DNAAF11: variants seen among roughly 807,000 people sequenced by gnomAD.
The protein encoded by DNAAF11 is dynein axonemal assembly factor 11, also known as leucine rich repeat containing 6.
In DNAAF11, 45 loss-of-function variants were observed where a neutral mutation model predicts 60.8. That is an observed-to-expected ratio of 0.74 (90% CI 0.58 to 0.95). The LOEUF is 0.95. Among genes scored for constraint, DNAAF11 ranks in the 40% least tolerant of loss-of-function variants. The pLI is 0.00. For synonymous variants in DNAAF11, 191 were observed against 183.5 expected, an observed-to-expected ratio of 1.04 and a Z score of -0.33; for missense variants, 546 against 546.2, an observed-to-expected ratio of 1.00 and a Z score of 0.00.
At position 132,660,551 on chromosome 8, in the gene DNAAF11, A is replaced by G. The variant is rs889437516; in HGVS notation, c.178+909T>C. 2.6e-5 allele frequency among the ~76,000 whole-genome samples: 4 copies of G among 152,196 alleles called. No homozygotes were observed. In the East Asian group the frequency reaches 5.8e-4, roughly 22 times the overall value. ...TGCTGGGGATTCTCCTTCTGTGTCC[A>G]TGTGGCAGGACCTCCATTAGAGTAA... is the stretch of plus-strand genomic sequence containing the variant. On this transcript the variant is annotated intron_variant, in intron 2 of 11. Coordinates refer to ENST00000620350, the MANE Select transcript of DNAAF11 (RefSeq NM_012472.6).
intron 1 of DNAAF11, among the ~76,000 whole-genome samples, chr8:132,662,919 G>A (rs1418073488): frequency 6.6e-6 from 1 of 152,204 alleles, no homozygotes; most frequent in African/African-American, 2.4e-5. Context: ...GTAAAAACAT[G>A]TACGAACTTA....
the DNAAF11 span, among the ~76,000 whole-genome samples, chr8:132,691,235 C>A: frequency 1.3e-5 from 2 of 150,242 alleles, no homozygotes; most frequent in Non-Finnish European, 2.9e-5. Flanking sequence ...GGGTTAGAAT[C>A]CACTATTATT....
intron 9 of DNAAF11, 22 bp from the exon 10 acceptor site, chr8:132,610,283 G>A (rs760467545): frequency 2.6e-6 from 4 of 1,525,418 alleles, no homozygotes; most frequent in Non-Finnish European, 2.7e-6. Context: ...TAGAAAGAAA[G>A]TATCATTGAG....
chr8:132,600,779 G>T (rs1817530982), intron 10 of DNAAF11, among the ~76,000 whole-genome samples: 1 of 152,056 alleles, frequency 6.6e-6, no homozygotes, highest in Admixed American at 6.6e-5. Flanking sequence ...AATTCAAGAT[G>T]GATTAAAGAC....
In DNAAF11 at chr8:132,654,133, A is replaced by G. The variant is rs567828092; in HGVS notation, c.256+2697T>C. 3.7e-3 allele frequency among the ~76,000 whole-genome samples: 558 copies of G among 152,236 alleles called. 3 individuals are homozygous for G. The highest frequency in any genetic ancestry group is 0.013 in the African/African-American group (525 of 41,576). ...AGAGAGCTGGAGTGACTATATTAAT[A>G]CCAGACAAAATAGACTTTAAGGCAA... On this transcript the variant is annotated intron_variant, in intron 3 of 11. Transcript: ENST00000620350.
rs577979119 is a variant in DNAAF11, at chr8:132,639,990, A to G, written c.257-1883T>C. Among the ~76,000 whole-genome samples, 26 of 152,346 alleles carry G rather than the reference A, an allele frequency of 1.7e-4. 1 individual carries two copies. In the South Asian group the frequency reaches 2.9e-3, roughly 17 times the overall value. On this transcript the variant is annotated intron_variant, in intron 3 of 11. Coordinates refer to ENST00000620350, the MANE Select transcript of DNAAF11 (RefSeq NM_012472.6). ...TCCAGAAGTAGGCAATGCCCATTAG[A>G]CATTGTAAGCTACCCTAAACCTATA...
chr8:132,583,645 A>G (rs764775554), intron 11 of DNAAF11, 49 bp downstream of exon 11: 3 of 1,430,584 alleles, frequency 2.1e-6, no homozygotes, highest in South Asian at 2.3e-5. Context: ...ACAAATGACA[A>G]TGAAGAGAAC....
the DNAAF11 span, among the ~76,000 whole-genome samples, chr8:132,697,351 A>G: frequency 6.6e-6 from 1 of 152,166 alleles, no homozygotes; most frequent in Non-Finnish European, 1.5e-5. Context: ...TTTTTAAAAA[A>G]TATCCAAAAT....
intron 10 of DNAAF11, among the ~76,000 whole-genome samples, chr8:132,605,701 C>T (rs1395698221): frequency 2.6e-5 from 4 of 152,076 alleles, no homozygotes; most frequent in Non-Finnish European, 5.9e-5. Context: ...ATACAGAATG[C>T]TGAGGTTGGG....
intron 5 of DNAAF11, among the ~76,000 whole-genome samples, chr8:132,630,650 A>G (rs1300034466): frequency 6.6e-6 from 1 of 152,144 alleles, no homozygotes; most frequent in Non-Finnish European, 1.5e-5. Flanking sequence ...GTATTTTTTT[A>G]TTTGTATCCA....
intron 3 of DNAAF11, among the ~76,000 whole-genome samples, chr8:132,649,563 C>G (rs932189677): frequency 2.6e-5 from 4 of 152,056 alleles, no homozygotes; most frequent in Admixed American, 2.0e-4. Flanking sequence ...AAGAAACTAC[C>G]ATCAGAGTGA....
chr8:132,644,539 C>G (rs369623155), intron 3 of DNAAF11, among the ~76,000 whole-genome samples: 4 of 152,138 alleles, frequency 2.6e-5, no homozygotes, highest in African/African-American at 9.7e-5. Context: ...GGGGCCATCA[C>G]CTCACTCAGG....
intron 10 of DNAAF11, among the ~76,000 whole-genome samples, chr8:132,607,520 G>C (rs1378614265): frequency 6.6e-6 from 1 of 152,100 alleles, no homozygotes; most frequent in Non-Finnish European, 1.5e-5. Context: ...ACAAACTGAT[G>C]AAACTTGCAT....
chr8:132,647,096 A>C (rs1317518566), intron 3 of DNAAF11, among the ~76,000 whole-genome samples: 1 of 152,232 alleles, frequency 6.6e-6, no homozygotes, highest in East Asian at 1.9e-4. Context: ...AGTTGGAAGT[A>C]AAGCACTCCT....
chr8:132,693,168 G>T, the DNAAF11 span, among the ~76,000 whole-genome samples: 1 of 152,130 alleles, frequency 6.6e-6, no homozygotes, highest in Non-Finnish European at 1.5e-5. Context: ...AAGGGCAATG[G>T]AGAAGGGGAC....
chr8:132,602,557 T>A (rs1380081145), intron 10 of DNAAF11, among the ~76,000 whole-genome samples: 1 of 151,914 alleles, frequency 6.6e-6, no homozygotes, highest in Non-Finnish European at 1.5e-5. Context: ...ATTAAAACAG[T>A]GTTTTACAGT....
chr8:132,698,830 C>T, the DNAAF11 span, among the ~76,000 whole-genome samples: 1 of 152,050 alleles, frequency 6.6e-6, no homozygotes, highest in African/African-American at 2.4e-5. Flanking sequence ...ACCTGTAATC[C>T]CAGCACTTGG....
At chr8:132,657,035 T>C (rs1254386903) in intron 2 of DNAAF11, 128 bp from the exon 3 acceptor site, 1 of 466,954 alleles carries the variant, frequency 2.1e-6, no homozygotes, top group East Asian at 4.2e-5. Context: ...CATGTCACTT[T>C]TCCAAATCTA....
intron 10 of DNAAF11, among the ~76,000 whole-genome samples, chr8:132,607,582 A>G (rs1028047636): frequency 2.0e-5 from 3 of 152,238 alleles, no homozygotes; most frequent in Admixed American, 1.3e-4. Context: ...GAGTAAGAAA[A>G]GAGTAAAATA....
Sources: allele counts gnomAD v4.1 joint callset (sites outside exome capture counted in the v4.1 genomes callset), GRCh38; gene constraint gnomAD v4.1.1; transcripts MANE v1.5; gene names NCBI Gene and HGNC (gene_info 2026-07-23, HGNC 2026-07-21).